The following CHD7 variants were observed in gnomAD, a reference collection of about 807,000 sequenced individuals.
The protein encoded by CHD7 is ATP-dependent chromatin remodeler CHD7.
A neutral mutation model predicts 307.3 loss-of-function variants in CHD7; 24 were observed. That is an observed-to-expected ratio of 0.08 (90% CI 0.06 to 0.11). The LOEUF is 0.11. Ranked by LOEUF, CHD7 falls within the 10% of genes least tolerant of loss-of-function variation. The probability of loss-of-function intolerance (pLI) is 1.00; values close to 1 mark genes in which losing one functional copy is unlikely to be tolerated. For synonymous variants in CHD7, 1,363 were observed against 1,349.9 expected (o/e 1.01, Z -0.21); for missense variants, 3,106 against 3,727.1 (o/e 0.83, Z 4.34).
At position 60,742,721 on chromosome 8, in the gene CHD7, T is replaced by C; in HGVS notation, c.1289T>C (p.Met430Thr). The change falls in exon 2 of 38, where the codon ATG (methionine) becomes ACG (threonine). Residue 430 changes from methionine (M) to threonine (T), a missense_variant. This residue lies in a region of CHD7 where 998 missense variants were observed against 1,004.5 expected (regional missense o/e 0.99). Transcript: ENST00000423902. Reference sequence around the variant, plus strand: ...ATGGAAGTTGGCAGTTATCCAAATATGCCCCATCCTCAGCCATCTCACCAG... The same window carrying C: ...ATGGAAGTTGGCAGTTATCCAAATACGCCCCATCCTCAGCCATCTCACCAG... ...IPMEVGSYPN[M>T]PHPQPSHQPP... is the part of the protein sequence containing the mutation. The C allele has an allele frequency of 6.2e-7, 1 of 1,613,788 alleles. No homozygotes were observed.
chr8:60,865,688 A>G lies in CHD7; in HGVS notation c.8749A>G (p.Thr2917Ala). 1 of 1,605,828 alleles carries G rather than the reference A, an allele frequency of 6.2e-7. No individual in the cohort carries two copies. ...TCTACCTCCAGGACTGGGGGGATTG[A>G]CGCTGCCTGGGTTCCCAGCATTGGC... ...MFLPPGLGGL[T>A]LPGFPALAGL... The change falls in exon 38 of 38, where the codon ACG (threonine) becomes GCG (alanine). Residue 2917 changes from threonine to alanine, a missense_variant. By Grantham distance (58) the Thr-to-Ala change is moderately conservative (BLOSUM62 0). Around this residue, in one of 10 missense-constraint regions of CHD7, gnomAD observed 351 missense variants for 366.2 expected, o/e 0.96. Coordinates refer to ENST00000423902, the MANE Select transcript of CHD7 (RefSeq NM_017780.4). The surrounding 1 kb of genome is among the most constrained non-coding windows in gnomAD (Gnocchi z 4.3).
intron 19 of CHD7, among the ~76,000 whole-genome samples, chr8:60,839,404 G>A (rs926784297): frequency 8.5e-5 from 13 of 152,182 alleles, no homozygotes; most frequent in Non-Finnish European, 1.6e-4. Flanking sequence ...TGTGTACAAG[G>A]TTTTGTATGG....
At chr8:60,716,030 A>G (rs1807580498) in intron 1 of CHD7, among the ~76,000 whole-genome samples, 1 of 152,270 alleles carries the variant, frequency 6.6e-6, no homozygotes, top group South Asian at 2.1e-4. Context: ...CCTTCATCAC[A>G]TTGTGGTATT....
chr8:60,744,212 G>A (rs750710497), intron 2 of CHD7, among the ~76,000 whole-genome samples: 1 of 152,196 alleles, frequency 6.6e-6, no homozygotes, highest in African/African-American at 2.4e-5. Flanking sequence ...GAATAGGTTG[G>A]AAAGTATCAG....
chr8:60,828,604 G>T, intron 13 of CHD7, 59 bp from the exon 14 acceptor site: 2 of 1,501,394 alleles, frequency 1.3e-6, no homozygotes, highest in South Asian at 2.6e-5. Flanking sequence ...GAGAGGCTCT[G>T]GTTTTAAGAA....
chr8:60,781,892 A>G (rs1286811600), intron 3 of CHD7, among the ~76,000 whole-genome samples: 3 of 152,194 alleles, frequency 2.0e-5, no homozygotes, highest in Admixed American at 6.5e-5. Context: ...TAAGCCTTCC[A>G]GGAGCAGGGT....
chr8:60,684,813 T>C (rs1805800182), intron 1 of CHD7, among the ~76,000 whole-genome samples: 1 of 152,086 alleles, frequency 6.6e-6, no homozygotes, highest in Admixed American at 6.6e-5. Flanking sequence ...TTGAAGAAGA[T>C]TGAATTGGTG....
chr8:60,686,654 G>A (rs746130553), intron 1 of CHD7, among the ~76,000 whole-genome samples: 12 of 152,176 alleles, frequency 7.9e-5, no homozygotes, highest in African/African-American at 1.7e-4. Context: ...AGCAGGGACC[G>A]CGTGCGACCT....
At chr8:60,800,283 C>T (rs1230421429) in intron 4 of CHD7, 105 bp from the exon 5 acceptor site, 15 of 1,108,878 alleles carry the variant, frequency 1.4e-5, no homozygotes, top group East Asian at 8.5e-5. Flanking sequence ...CCGCCCGCCT[C>T]GGCCTCCCAA....
At chr8:60,756,094 T>C (rs1563573663) in intron 2 of CHD7, among the ~76,000 whole-genome samples, 1 of 152,258 alleles carries the variant, frequency 6.6e-6, no homozygotes, top group East Asian at 1.9e-4. Flanking sequence ...GCCATGAGGC[T>C]AGTGACTTTC....
intron 1 of CHD7, among the ~76,000 whole-genome samples, chr8:60,706,269 G>A (rs940255227): frequency 1.3e-5 from 2 of 152,106 alleles, no homozygotes; most frequent in Admixed American, 6.5e-5. Context: ...GTAGTTGAAC[G>A]ATTATGAATT....
intron 2 of CHD7, among the ~76,000 whole-genome samples, chr8:60,744,984 T>C (rs192689385): frequency 2.0e-5 from 3 of 149,992 alleles, no homozygotes; most frequent in Admixed American, 1.3e-4. Flanking sequence ...ACAGGACAAG[T>C]AGTGGCTTCA....
intron 3 of CHD7, among the ~76,000 whole-genome samples, chr8:60,783,260 T>G (rs147334913): frequency 2.8e-4 from 43 of 152,332 alleles, no homozygotes; most frequent in African/African-American, 1.0e-3. Flanking sequence ...TCTTGTAGAG[T>G]CCTTTGGGGC....
At chr8:60,846,185 C>T (rs969534569) in intron 23 of CHD7, among the ~76,000 whole-genome samples, 1 of 152,146 alleles carries the variant, frequency 6.6e-6, no homozygotes, top group Non-Finnish European at 1.5e-5. Flanking sequence ...TGGTTTTTAA[C>T]CAGTATCGGT....
intron 1 of CHD7, among the ~76,000 whole-genome samples, chr8:60,693,571 G>A (rs1353170671): frequency 6.6e-6 from 1 of 152,120 alleles, no homozygotes; most frequent in Non-Finnish European, 1.5e-5. Flanking sequence ...TCCTTCCCTG[G>A]CCTCCTCAGC....
chr8:60,808,781 A>T (rs1812654889), intron 7 of CHD7: 1 of 153,928 alleles, frequency 6.5e-6, no homozygotes, highest in Admixed American at 6.5e-5. Flanking sequence ...TAACTTAAAA[A>T]TCTGAATTGA....
At chr8:60,777,047 C>T (rs1810986124) in intron 2 of CHD7, among the ~76,000 whole-genome samples, 1 of 152,124 alleles carries the variant, frequency 6.6e-6, no homozygotes, top group Non-Finnish European at 1.5e-5. Flanking sequence ...TCTTCTTCAC[C>T]AGAATCTTAT....
At chr8:60,860,147 C>A (rs1251056519) in intron 34 of CHD7, among the ~76,000 whole-genome samples, 1 of 152,140 alleles carries the variant, frequency 6.6e-6, no homozygotes, top group Admixed American at 6.5e-5. Context: ...ACAAAGTGTC[C>A]CACTACCAAC....
In CHD7 at chr8:60,680,868, CTT is replaced by C. The variant is rs1431913456; in HGVS notation, c.-175+1787_-175+1788del. ...ATTATCTAGCAATCGATTTAAATAA[CTT>C]ATCTTAAAAAGTGTCCCTTTTGGGG... On this transcript the variant is annotated intron_variant, in intron 1 of 37. Transcript: ENST00000423902. 2.6e-5 allele frequency among the ~76,000 whole-genome samples: 4 copies of C among 152,208 alleles called. No individual in the cohort carries two copies. The East Asian group carries it at 7.7e-4, about 29-fold the overall frequency.
Sources: allele counts gnomAD v4.1 joint callset (sites outside exome capture counted in the v4.1 genomes callset), GRCh38; gene constraint gnomAD v4.1.1; regional missense constraint gnomAD v4.1.1; non-coding constraint Gnocchi (gnomAD v3.1); transcripts MANE v1.5; gene names NCBI Gene and HGNC (gene_info 2026-07-23, HGNC 2026-07-21).